Variants in CYP7B1 observed in about 807,000 individuals in gnomAD.
CYP7B1 encodes cytochrome P450 7B1.
CYP7B1 carries 29 observed loss-of-function variants against 42.7 expected under a neutral mutation model. That is an observed-to-expected ratio of 0.68 (90% CI 0.51 to 0.93). CYP7B1 has a LOEUF of 0.93. Ranked by LOEUF, CYP7B1 falls within the 40% of genes least tolerant of loss-of-function variation. The pLI is 0.00. For synonymous variants in CYP7B1, 235 were observed against 218.2 expected, an observed-to-expected ratio of 1.08 and a Z score of -0.68; for missense variants, 655 against 600.5, an observed-to-expected ratio of 1.09 and a Z score of -0.95.
chr8:64,623,560 T>C (rs573660247), intron 2 of CYP7B1, among the ~76,000 whole-genome samples: 2 of 152,318 alleles, frequency 1.3e-5, no homozygotes, highest in Admixed American at 1.3e-4. Flanking sequence ...TACAGCTACA[T>C]AGTTTGGGTC....
At chr8:64,623,003 C>T (rs1286232601) in intron 2 of CYP7B1, among the ~76,000 whole-genome samples, 2 of 151,788 alleles carry the variant, frequency 1.3e-5, no homozygotes, top group Non-Finnish European at 2.9e-5. Flanking sequence ...ACTCAACAAG[C>T]AAAGGAGTGT....
intron 1 of CYP7B1, among the ~76,000 whole-genome samples, chr8:64,686,067 C>CT (rs1806633263): frequency 7.6e-6 from 1 of 131,142 alleles, no homozygotes; most frequent in African/African-American, 2.9e-5. Flanking sequence ...GGTCAGCCCC[C>CT]CCACCCGGCC....
intron 2 of CYP7B1, among the ~76,000 whole-genome samples, chr8:64,621,441 A>T (rs1026781090): frequency 6.6e-6 from 1 of 152,238 alleles, no homozygotes; most frequent in African/African-American, 2.4e-5. Flanking sequence ...CTCTGGCCTC[A>T]AAAGTTGAGT....
intron 1 of CYP7B1, among the ~76,000 whole-genome samples, chr8:64,647,369 G>T (rs1388600373): frequency 2.0e-5 from 3 of 152,028 alleles, no homozygotes; most frequent in Non-Finnish European, 4.4e-5. Flanking sequence ...GATATGAAGT[G>T]AGCACATGGT....
intron 2 of CYP7B1, among the ~76,000 whole-genome samples, chr8:64,622,382 A>C (rs1233769293): frequency 6.6e-6 from 1 of 152,226 alleles, no homozygotes; most frequent in Non-Finnish European, 1.5e-5. Flanking sequence ...AAAGGCATGC[A>C]TGTAGATGAT....
At chr8:64,744,824 A>C (rs745640112) in intron 1 of CYP7B1, among the ~76,000 whole-genome samples, 1 of 152,192 alleles carries the variant, frequency 6.6e-6, no homozygotes, top group African/African-American at 2.4e-5. Context: ...GACTTTCAAA[A>C]GTCAATAAAC....
intron 1 of CYP7B1, among the ~76,000 whole-genome samples, chr8:64,714,132 T>G (rs1807120656): frequency 6.6e-6 from 1 of 152,204 alleles, no homozygotes; most frequent in Admixed American, 6.5e-5. Context: ...GCTTCAGCAT[T>G]CATGCTCTTA....
At chr8:64,620,267 A>C (rs2129630316) in intron 2 of CYP7B1, among the ~76,000 whole-genome samples, 1 of 152,330 alleles carries the variant, frequency 6.6e-6, no homozygotes, top group South Asian at 2.1e-4. Context: ...TTGTTTTACA[A>C]TAGAAGTTTT....
intron 1 of CYP7B1, among the ~76,000 whole-genome samples, chr8:64,627,301 AT>A (rs1319039116): frequency 6.6e-6 from 1 of 152,242 alleles, no homozygotes; most frequent in African/African-American, 2.4e-5. Context: ...TTAATTCCAT[AT>A]CCAAAGATTG....
chr8:64,736,342 C>T (rs917461405), intron 1 of CYP7B1, among the ~76,000 whole-genome samples: 3 of 152,144 alleles, frequency 2.0e-5, no homozygotes, highest in African/African-American at 7.2e-5. Flanking sequence ...TCAGATGACA[C>T]ACGAATGGAT....
At chr8:64,734,765 A>G (rs769720077) in intron 1 of CYP7B1, among the ~76,000 whole-genome samples, 6 of 152,152 alleles carry the variant, frequency 3.9e-5, no homozygotes, top group Non-Finnish European at 7.4e-5. Flanking sequence ...GGGTAAAGAC[A>G]CCCCTTTATT....
In CYP7B1 at chr8:64,715,584, T is replaced by A. The variant is rs1480232375; in HGVS notation, c.122+82882A>T. On this transcript the variant is annotated intron_variant, in intron 1 of 5. Transcript: ENST00000310193. The stretch of plus-strand genomic sequence containing the variant: ...ACACTTCCAAGATCTTACCTCTATT[T>A]TTTTTCCGTTCCTCACACCCCTACA... Among the ~76,000 whole-genome samples the A allele has an allele frequency of 5.3e-5, 8 of 152,208 alleles. No homozygotes were observed. In the South Asian group the frequency reaches 1.7e-3, roughly 32 times the overall value.
chr8:64,600,650 CAG>C (rs1336091524), intron 5 of CYP7B1, among the ~76,000 whole-genome samples: 1 of 152,092 alleles, frequency 6.6e-6, no homozygotes, highest in Non-Finnish European at 1.5e-5. Context: ...ACCAGCTTGT[CAG>C]AGTGTGCACA....
At chr8:64,739,019 T>C (rs1807531599) in intron 1 of CYP7B1, among the ~76,000 whole-genome samples, 1 of 152,150 alleles carries the variant, frequency 6.6e-6, no homozygotes, top group Non-Finnish European at 1.5e-5. Flanking sequence ...TTCCCTTCTG[T>C]CTCTGGCAGG....
chr8:64,657,718 C>T (rs150034725), intron 1 of CYP7B1, among the ~76,000 whole-genome samples: 2 of 152,142 alleles, frequency 1.3e-5, no homozygotes, highest in Non-Finnish European at 2.9e-5. Flanking sequence ...GTAATCCAAT[C>T]GCCTCAAAAT....
downstream of CYP7B1, among the ~76,000 whole-genome samples, chr8:64,586,937 A>G (rs370570887): frequency 2.6e-5 from 4 of 152,214 alleles, 1 homozygote; most frequent in East Asian, 7.7e-4. Flanking sequence ...AGGTGGAAGG[A>G]GGGAAAGAGA....
At chr8:64,793,227 T>C (rs181916014) in intron 1 of CYP7B1, among the ~76,000 whole-genome samples, 12 of 152,346 alleles carry the variant, frequency 7.9e-5, no homozygotes, top group Admixed American at 3.9e-4. Flanking sequence ...CTCTCCATCA[T>C]ATTTTCTGTA....
intron 1 of CYP7B1, among the ~76,000 whole-genome samples, chr8:64,744,804 G>T (rs923934670): frequency 1.3e-5 from 2 of 152,060 alleles, no homozygotes; most frequent in Admixed American, 1.3e-4. Context: ...TTCTATACTG[G>T]ACCTCAGAGG....
intron 1 of CYP7B1, among the ~76,000 whole-genome samples, chr8:64,636,642 T>C (rs896083497): frequency 6.6e-6 from 1 of 152,202 alleles, no homozygotes; most frequent in Non-Finnish European, 1.5e-5. Flanking sequence ...CTGCCATATA[T>C]GATATGCTGG....
Sources: gnomAD v4.1 joint callset for allele counts (sites outside exome capture counted in the v4.1 genomes callset) on GRCh38, gnomAD v4.1.1 for gene constraint, MANE v1.5 for transcripts, NCBI Gene and HGNC (gene_info 2026-07-23, HGNC 2026-07-21) for gene names.